Variants in PHF21A observed in about 807,000 individuals in gnomAD.
PHF21A encodes the protein BHC80a.
PHF21A carries 11 observed loss-of-function variants against 82.5 expected under a neutral mutation model. That is an observed-to-expected ratio of 0.13 (90% confidence interval 0.08 to 0.22). The LOEUF is 0.22. PHF21A is among the 10% of genes least tolerant of loss of function. The pLI is 1.00. For missense variants in PHF21A, 579 were observed against 837.8 expected, an observed-to-expected ratio of 0.69 and a Z score of 3.81; for synonymous variants, 297 against 302.8, an observed-to-expected ratio of 0.98 and a Z score of 0.20.
At chr11:46,062,061 C>T (rs956942119) in intron 6 of PHF21A, among the ~76,000 whole-genome samples, 2 of 151,916 alleles carry the variant, frequency 1.3e-5, no homozygotes, top group African/African-American at 2.4e-5. Context: ...CATCTGATTC[C>T]CAATCCCTGT....
chr11:46,016,462 TA>T (rs1223519102), intron 6 of PHF21A, among the ~76,000 whole-genome samples: 1 of 152,126 alleles, frequency 6.6e-6, no homozygotes, highest in Non-Finnish European at 1.5e-5. Context: ...TGCCTTTGCT[TA>T]AATTATTCCC....
chr11:46,017,362 G>T (rs1190479363), intron 6 of PHF21A, among the ~76,000 whole-genome samples: 1 of 152,082 alleles, frequency 6.6e-6, no homozygotes, highest in East Asian at 1.9e-4. Context: ...CACTCAGAAC[G>T]ACTAAAGAAG....
In PHF21A at chr11:45,938,271, A is replaced by G. The variant is rs1265702111; in HGVS notation, c.1494T>C (p.Ser498=). Residue 498 remains serine (S), a synonymous_variant, in exon 16 of 19, where the codon AGT becomes AGC. Coordinates refer to ENST00000676320, the MANE Select transcript of PHF21A (RefSeq NM_001352027.3). ...HEDFCSVCRK[S]GQLLMCDTCS... The stretch of plus-strand genomic sequence containing the variant: ...ATGTGTCGCACATCAGTAACTGGCC[A>G]CTTTTTCTGCAAACGCTGCAAAAAT... 6.2e-7 allele frequency: 1 copy of G among 1,611,768 alleles called. No homozygotes were observed. Among genetic ancestry groups the G allele is most frequent in the South Asian group, 1.1e-5 (1 of 90,208 alleles).
At chr11:46,062,745 T>C (rs992244423) in intron 6 of PHF21A, among the ~76,000 whole-genome samples, 1 of 152,180 alleles carries the variant, frequency 6.6e-6, no homozygotes, top group African/African-American at 2.4e-5. Flanking sequence ...TACAATCACT[T>C]TGGAAAACAT....
At chr11:46,060,958 T>C (rs1251282868) in intron 6 of PHF21A, among the ~76,000 whole-genome samples, 1 of 152,224 alleles carries the variant, frequency 6.6e-6, no homozygotes, top group East Asian at 1.9e-4. Context: ...TACATTTAAG[T>C]CTAATCCAAC....
rs2093813724 is a variant in PHF21A, at chr11:45,972,434, T to C, written c.361-1067A>G. Among the ~76,000 whole-genome samples, 3 of 152,298 alleles carry C rather than the reference T, an allele frequency of 2.0e-5. No homozygotes were observed. The South Asian group carries it at 6.2e-4, about 32-fold the overall frequency. On this transcript the variant is annotated intron_variant, in intron 7 of 18. Transcript: ENST00000676320. ...TTGATACTACTCCACCTTTACTGTA[T>C]ATTTGCACTGTCTGATTTGGCAGCC...
intron 6 of PHF21A, among the ~76,000 whole-genome samples, chr11:45,992,770 A>G (rs1005388429): frequency 6.6e-6 from 1 of 152,240 alleles, no homozygotes; most frequent in African/African-American, 2.4e-5. Context: ...AACTATATAC[A>G]AAATATAACA....
chr11:46,095,694 A>G (rs934491100), intron 1 of PHF21A, among the ~76,000 whole-genome samples: 1 of 152,106 alleles, frequency 6.6e-6, no homozygotes, highest in African/African-American at 2.4e-5. Flanking sequence ...TTATTTAAAT[A>G]CCTTTTGTAA....
intron 11 of PHF21A, among the ~76,000 whole-genome samples, chr11:45,952,119 T>C (rs1391173702): frequency 3.9e-5 from 6 of 152,226 alleles, no homozygotes; most frequent in South Asian, 2.1e-4. Context: ...TTTTTGATGA[T>C]AGAATAAAAA....
chr11:46,083,279 T>C (rs927564433), intron 4 of PHF21A, among the ~76,000 whole-genome samples: 2 of 152,116 alleles, frequency 1.3e-5, no homozygotes, highest in African/African-American at 2.4e-5. Flanking sequence ...GCAGCAGGGA[T>C]TTCTGAACAG....
intron 6 of PHF21A, among the ~76,000 whole-genome samples, chr11:45,994,967 C>T (rs1044993179): frequency 2.6e-5 from 4 of 152,168 alleles, no homozygotes; most frequent in African/African-American, 9.7e-5. Flanking sequence ...AATCTAACTC[C>T]ATCTTGAGCC....
intron 1 of PHF21A, among the ~76,000 whole-genome samples, chr11:46,113,051 G>A (rs912882231): frequency 6.6e-6 from 1 of 152,150 alleles, no homozygotes; most frequent in South Asian, 2.1e-4. Context: ...AAACTACTTA[G>A]CAGAAAGTTC....
At chr11:45,988,823 G>A (rs1023140107) in intron 6 of PHF21A, among the ~76,000 whole-genome samples, 34 of 152,240 alleles carry the variant, frequency 2.2e-4, no homozygotes, top group African/African-American at 6.5e-4. Context: ...CTCAGGAGGT[G>A]GAGGTTGCAG....
chr11:46,016,151 A>T (rs2095513925), intron 6 of PHF21A, among the ~76,000 whole-genome samples: 1 of 152,200 alleles, frequency 6.6e-6, no homozygotes. Context: ...AAGCAACAGA[A>T]AATTTTTAGC....
At chr11:46,003,834 T>C (rs1489545949) in intron 6 of PHF21A, among the ~76,000 whole-genome samples, 1 of 152,204 alleles carries the variant, frequency 6.6e-6, no homozygotes, top group African/African-American at 2.4e-5. Flanking sequence ...TATGCCAGGA[T>C]TTCCTTTTTG....
chr11:45,962,159 T>C (rs1420440218), intron 10 of PHF21A, among the ~76,000 whole-genome samples: 6 of 152,210 alleles, frequency 3.9e-5, no homozygotes, highest in Non-Finnish European at 8.8e-5. Flanking sequence ...TTTATCCACC[T>C]TATATATAGA....
At chr11:45,959,229 TTAAC>T (rs1365187915) in intron 10 of PHF21A, among the ~76,000 whole-genome samples, 1 of 152,154 alleles carries the variant, frequency 6.6e-6, no homozygotes, top group East Asian at 1.9e-4. Context: ...ACAAAAAAGG[TTAAC>T]TATGTGAGGA....
intron 2 of PHF21A, among the ~76,000 whole-genome samples, chr11:46,091,958 G>A (rs551624067): frequency 2.1e-4 from 32 of 152,244 alleles, no homozygotes; most frequent in African/African-American, 4.1e-4. Context: ...ACAGGTTATC[G>A]AACGGTGGAA....
At chr11:45,999,050 C>T (rs1203613459) in intron 6 of PHF21A, among the ~76,000 whole-genome samples, 2 of 152,172 alleles carry the variant, frequency 1.3e-5, no homozygotes, top group African/African-American at 4.8e-5. Flanking sequence ...TGGTCTCAAA[C>T]TCCTGAGCTC....
Sources: gnomAD v4.1 joint callset for allele counts (sites outside exome capture counted in the v4.1 genomes callset) on GRCh38, gnomAD v4.1.1 for gene constraint, MANE v1.5 for transcripts, NCBI Gene and HGNC (gene_info 2026-07-23, HGNC 2026-07-21) for gene names.